RPGRIP1L: variants seen among roughly 807,000 people sequenced by gnomAD.
The protein encoded by RPGRIP1L is protein fantom.
RPGRIP1L carries 131 observed loss-of-function variants against 160.4 expected under a neutral mutation model. The ratio of observed to expected loss-of-function variants is 0.82; its 90% CI spans 0.71 to 0.94. RPGRIP1L has a LOEUF of 0.94. RPGRIP1L is among the 40% of genes least tolerant of loss of function. The pLI is 0.00. For missense variants in RPGRIP1L, 1,522 were observed against 1,535.8 expected (o/e 0.99, Z 0.15); for synonymous variants, 510 against 515.8 (o/e 0.99, Z 0.15).
rs1426939405 is a variant in RPGRIP1L, at chr16:53,692,009, T to G, written c.529+57A>C. ...ACAGAAGTAAAACTTTGTGTTTTTT[T>G]TGTGTTAAACAATCTAATAAGACTT... On this transcript the variant is annotated intron_variant, in intron 4 of 26. Coordinates refer to ENST00000647211, the MANE Select transcript of RPGRIP1L (RefSeq NM_015272.5). The G allele has an allele frequency of 5.2e-6, 8 of 1,538,176 alleles. No homozygotes were observed. The African/African-American group carries it at 9.6e-5, about 18-fold the overall frequency.
intron 9 of RPGRIP1L, among the ~76,000 whole-genome samples, chr16:53,670,378 T>C (rs1049975977): frequency 1.3e-5 from 2 of 152,176 alleles, no homozygotes; most frequent in Non-Finnish European, 2.9e-5. Context: ...CTGTTGAATA[T>C]CAGCTATAAC....
At chr16:53,658,950 T>A in intron 10 of RPGRIP1L, 72 bp from the exon 11 acceptor site, 1 of 987,518 alleles carries the variant, frequency 1.0e-6, no homozygotes, top group Non-Finnish European at 1.6e-6. Flanking sequence ...CAAATTACTT[T>A]AATTCCTGTT....
chr16:53,634,767 A>C (rs1965730661), intron 22 of RPGRIP1L, among the ~76,000 whole-genome samples: 1 of 152,186 alleles, frequency 6.6e-6, no homozygotes, highest in Non-Finnish European at 1.5e-5. Flanking sequence ...TGCCAGTGCC[A>C]TGCTTCTTGT....
Position 53,602,060 on chromosome 16 carries a change from T to C in RPGRIP1L, c.*16A>G, listed in dbSNP as rs1329905264. 1 of 1,470,658 alleles carries C rather than the reference T, an allele frequency of 6.8e-7. No individual in the cohort carries two copies. The highest frequency in any genetic ancestry group is 1.4e-5 in the African/African-American group (1 of 71,618). The allele number at this position is 1,470,658 out of a possible 1,614,324, so 91.1% of individuals were successfully genotyped here. On this transcript the variant is annotated 3_prime_UTR_variant, in exon 27 of 27. Coordinates refer to ENST00000647211, the MANE Select transcript of RPGRIP1L (RefSeq NM_015272.5). ...CATTTACTGAGGAGTAGGAGATGCC[T>C]CTGGAGCATTTGCTTTCAAGCCTCC...
intron 22 of RPGRIP1L, among the ~76,000 whole-genome samples, chr16:53,632,693 T>A (rs925735780): frequency 6.6e-6 from 1 of 152,174 alleles, no homozygotes. Flanking sequence ...GCTTGGCCCA[T>A]CCTGAAACCA....
intron 25 of RPGRIP1L, among the ~76,000 whole-genome samples, chr16:53,609,904 A>G (rs539444057): frequency 6.6e-6 from 1 of 152,298 alleles, no homozygotes; most frequent in East Asian, 1.9e-4. Context: ...CTTCAAACAG[A>G]AGATAAAATG....
At position 53,664,889 on chromosome 16, in the gene RPGRIP1L, G is replaced by A; in HGVS notation, c.1224C>T (p.Asp408=). 1.2e-6 allele frequency: 2 copies of A among 1,611,454 alleles called. No individual in the cohort carries two copies. Among genetic ancestry groups the A allele is most frequent in the South Asian group, 1.1e-5 (1 of 91,086 alleles). ...ATGTACCTCTTTCAGTTTTTAATCT[G>A]TCAAGGATTTCAGTTTTGTCTGTTA... The part of the protein sequence containing the change: ...SDLTDKTEIL[D]RLKTERDQNE... Residue 408 remains aspartate, a synonymous_variant, in exon 10 of 27, where the codon GAC becomes GAT. Transcript: ENST00000647211.
At chr16:53,676,080 T>C (rs1280996947) in intron 6 of RPGRIP1L, among the ~76,000 whole-genome samples, 7 of 152,110 alleles carry the variant, frequency 4.6e-5, no homozygotes, top group Non-Finnish European at 1.0e-4. Context: ...ATTGGAAAAA[T>C]TGTCATAATG....
intron 3 of RPGRIP1L, chr16:53,695,943 A>T (rs1271947043): frequency 3.9e-6 from 2 of 514,498 alleles, no homozygotes; most frequent in Non-Finnish European, 6.9e-6. Context: ...TCATTTAAAT[A>T]GCAAATTCAG....
In RPGRIP1L at chr16:53,645,795, A is replaced by G; in HGVS notation, c.2513T>C (p.Phe838Ser). Residue 838 changes from phenylalanine to serine, a missense_variant, in exon 17 of 27, where the codon TTT becomes TCT. Transcript: ENST00000647211. Reference sequence around the variant, plus strand: ...CACTGGGAAATACATATGATCATCAAACTGTGGATCATTGCTACTGGGAAT... The same window carrying G: ...CACTGGGAAATACATATGATCATCAGACTGTGGATCATTGCTACTGGGAAT... ...AIIPSSNDPQFDDHMYFPVPM... is the reference protein window; with the variant it reads ...AIIPSSNDPQSDDHMYFPVPM... The G allele has an allele frequency of 6.2e-7, 1 of 1,614,068 alleles. No individual in the cohort carries two copies. The highest frequency in any genetic ancestry group is 8.5e-7 in the Non-Finnish European group (1 of 1,179,940).
chr16:53,614,830 C>T (rs1387757407), intron 24 of RPGRIP1L, among the ~76,000 whole-genome samples: 1 of 152,174 alleles, frequency 6.6e-6, no homozygotes, highest in Non-Finnish European at 1.5e-5. Context: ...CATAAACTTA[C>T]TGAAAGCATA....
rs1966953831 is a variant in RPGRIP1L at position 53,653,326 on chromosome 16, T to C, written c.1700-339A>G. On this transcript the variant is annotated intron_variant, in intron 14 of 26. Transcript: ENST00000647211. ...TGCTTCCCTGTCTCTGCTCCACCCA[T>C]TGTCTTCACTCCTATAAAGTCAGTC... 5.3e-6 allele frequency: 6 copies of C among 1,128,536 alleles called. No homozygotes were observed. The South Asian group carries it at 1.2e-4, about 22-fold the overall frequency. The allele number at this position is 1,128,536 out of a possible 1,614,324, so 69.9% of individuals were successfully genotyped here.
At chr16:53,636,397 G>T in intron 22 of RPGRIP1L, 42 bp downstream of exon 22, 1 of 1,337,318 alleles carries the variant, frequency 7.5e-7, no homozygotes, top group Non-Finnish European at 1.1e-6. Flanking sequence ...ATGAAAGGCA[G>T]CCTTATTTCA....
At chr16:53,695,430 TC>T in intron 3 of RPGRIP1L, 1 of 702,994 alleles carries the variant, frequency 1.4e-6, no homozygotes, top group Non-Finnish European at 2.6e-6. Context: ...TTTTCATTCT[TC>T]AATGGTTGTC....
At chr16:53,615,034 A>C (rs1964276012) in intron 24 of RPGRIP1L, among the ~76,000 whole-genome samples, 1 of 152,260 alleles carries the variant, frequency 6.6e-6, no homozygotes, top group South Asian at 2.1e-4. Flanking sequence ...TAATGTTTGT[A>C]TTAAAGAGTA....
intron 19 of RPGRIP1L, among the ~76,000 whole-genome samples, chr16:53,640,177 G>T (rs1966115954): frequency 6.6e-6 from 1 of 152,162 alleles, no homozygotes; most frequent in Non-Finnish European, 1.5e-5. Context: ...TCATGCCTGT[G>T]CAATCAAGTG....
chr16:53,624,932 G>C (rs1218225115), intron 22 of RPGRIP1L, among the ~76,000 whole-genome samples: 2 of 152,214 alleles, frequency 1.3e-5, no homozygotes, highest in East Asian at 3.9e-4. Context: ...CGCCTGACTG[G>C]TTTTTGTATT....
chr16:53,687,886 T>G lies in RPGRIP1L; in HGVS notation c.609A>C (p.Glu203Asp), dbSNP rs775203325. 5 of 1,608,414 alleles carry G rather than the reference T, an allele frequency of 3.1e-6. No individual in the cohort carries two copies. The East Asian group carries it at 1.1e-4, about 36-fold the overall frequency. The change falls in exon 5 of 27, where the codon GAA becomes GAC. Residue 203 changes from glutamate (E) to aspartate (D), a missense_variant. Coordinates refer to ENST00000647211, the MANE Select transcript of RPGRIP1L (RefSeq NM_015272.5). ...FTKYGNSLLE[E>D]ARGEIRNLEN... ...ACAAATTTCTTATTTCTCCTCTGGC[T>G]TCTTCAAGTAAACTGTTGCCATATT... is the stretch of plus-strand genomic sequence containing the variant.
intron 9 of RPGRIP1L, among the ~76,000 whole-genome samples, chr16:53,670,119 A>G (rs1968587216): frequency 6.6e-6 from 1 of 152,194 alleles, no homozygotes; most frequent in African/African-American, 2.4e-5. Context: ...CTGTACAAAG[A>G]TAGTCCCAAG....
Sources: gnomAD v4.1 joint callset for allele counts (sites outside exome capture counted in the v4.1 genomes callset) on GRCh38, gnomAD v4.1.1 for gene constraint, MANE v1.5 for transcripts, NCBI Gene and HGNC (gene_info 2026-07-23, HGNC 2026-07-21) for gene names.